The following SLC9C1 variants were observed in gnomAD, a reference collection of about 807,000 sequenced individuals.
SLC9C1 encodes the protein sodium/hydrogen exchanger 10.
Under a neutral mutation model 140.9 loss-of-function variants are expected in SLC9C1, and 97 were observed. The ratio of observed to expected loss-of-function variants is 0.69; its 90% CI spans 0.58 to 0.82. The LOEUF is 0.82. Ranked by LOEUF, SLC9C1 falls within the 40% of genes least tolerant of loss-of-function variation. The pLI, the probability that SLC9C1 is intolerant of heterozygous loss-of-function variation, is 0.00. For synonymous variants in SLC9C1, 440 were observed against 442.6 expected (o/e 0.99, Z 0.07); for missense variants, 1,340 against 1,389.3 (o/e 0.96, Z 0.56).
chr3:112,168,832 A>G, intron 25 of SLC9C1, 45 bp downstream of exon 25: 1 of 1,474,878 alleles, frequency 6.8e-7, no homozygotes. Flanking sequence ...ACATTGTTGG[A>G]CATATGGCAT....
At chr3:112,159,143 T>A (rs919803754) in intron 26 of SLC9C1, among the ~76,000 whole-genome samples, 10 of 151,804 alleles carry the variant, frequency 6.6e-5, no homozygotes, top group Non-Finnish European at 1.2e-4. Context: ...TGCTATAGAC[T>A]TCCCACTTAG....
chr3:112,273,093 C>T (rs1489495247), intron 6 of SLC9C1, among the ~76,000 whole-genome samples: 2 of 152,090 alleles, frequency 1.3e-5, no homozygotes, highest in African/African-American at 4.8e-5. Context: ...CACGGATCCT[C>T]CTGAATGGCA....
At chr3:112,166,444 TG>T (rs1190265415) in intron 26 of SLC9C1, among the ~76,000 whole-genome samples, 1 of 152,206 alleles carries the variant, frequency 6.6e-6, no homozygotes, top group African/African-American at 2.4e-5. Context: ...TCCACATGGC[TG>T]GGGAGGCCTC....
intron 15 of SLC9C1, among the ~76,000 whole-genome samples, chr3:112,216,546 T>A (rs6438052): frequency 3.4e-5 from 5 of 149,212 alleles, no homozygotes; most frequent in Non-Finnish European, 7.5e-5. Context: ...AGTGGGCAAA[T>A]GATATGAACA....
chr3:112,224,609 AT>A (rs1553798552), intron 13 of SLC9C1, among the ~76,000 whole-genome samples: 4 of 10,104 alleles, frequency 4.0e-4, no homozygotes, highest in South Asian at 0.023. Flanking sequence ...TTATAAAAAA[AT>A]AACTGAACAG....
intron 28 of SLC9C1, among the ~76,000 whole-genome samples, chr3:112,148,556 T>C (rs2107844505): frequency 6.6e-6 from 1 of 152,240 alleles, no homozygotes; most frequent in East Asian, 1.9e-4. Flanking sequence ...GCTCTATGTC[T>C]TAATAAAACT....
chr3:112,235,003 A>G (rs978603838), intron 12 of SLC9C1, among the ~76,000 whole-genome samples: 6 of 151,702 alleles, frequency 4.0e-5, no homozygotes, highest in Non-Finnish European at 8.8e-5. Flanking sequence ...GATTTTTCCA[A>G]TTCTGTGAAG....
At chr3:112,190,966 T>C (rs73218102) in intron 20 of SLC9C1, among the ~76,000 whole-genome samples, 10,759 of 77,712 alleles carry the variant, frequency 0.14, 456 homozygotes, top group African/African-American at 0.22. Context: ...CACACACACA[T>C]ATATATATAT....
chr3:112,176,987 GTCTC>G (rs375135539), intron 23 of SLC9C1, among the ~76,000 whole-genome samples: 12,029 of 137,860 alleles, frequency 0.087, 538 homozygotes, highest in East Asian at 0.14. Context: ...GACTCCTGGT[GTCTC>G]TCTCTCTCTC....
chr3:112,161,241 G>GT (rs1363649733), intron 26 of SLC9C1, among the ~76,000 whole-genome samples: 6 of 152,182 alleles, frequency 3.9e-5, no homozygotes, highest in Admixed American at 3.9e-4. Flanking sequence ...TCTGATGGTA[G>GT]TTTCTTTTGC....
intron 20 of SLC9C1, among the ~76,000 whole-genome samples, chr3:112,187,282 CATT>C (rs1484840374): frequency 6.6e-6 from 1 of 152,110 alleles, no homozygotes; most frequent in Non-Finnish European, 1.5e-5. Flanking sequence ...TTTAATCTTT[CATT>C]ATTCTCCCTT....
At chr3:112,174,557 A>G (rs2107935452) in intron 23 of SLC9C1, among the ~76,000 whole-genome samples, 1 of 152,242 alleles carries the variant, frequency 6.6e-6, no homozygotes, top group East Asian at 1.9e-4. Flanking sequence ...CTGTGCTACT[A>G]CCAGTGAGTA....
chr3:112,282,768 G>A (rs1048073335), intron 2 of SLC9C1, among the ~76,000 whole-genome samples: 5 of 152,092 alleles, frequency 3.3e-5, no homozygotes, highest in East Asian at 1.9e-4. Flanking sequence ...TCTTGAACTC[G>A]GTCAAGCTAA....
chr3:112,275,038 AG>A lies in SLC9C1; in HGVS notation c.485-14del, dbSNP rs752381275. On this transcript the variant is annotated splice_polypyrimidine_tract_variant and intron_variant, in intron 5 of 28. Coordinates refer to ENST00000305815, the MANE Select transcript of SLC9C1 (RefSeq NM_183061.3). Reference sequence around the variant, plus strand: ...CTTCTAGAAAGCCCTACATATGTTGAGGGGGAAAGATGTTTTTTAAAGTGAG... The same window carrying A: ...CTTCTAGAAAGCCCTACATATGTTGAGGGGAAAGATGTTTTTTAAAGTGAG... 6.5e-7 allele frequency: 1 copy of A among 1,543,986 alleles called. No individual in the cohort carries two copies. Among genetic ancestry groups the A allele is most frequent in the Non-Finnish European group, 8.6e-7 (1 of 1,157,118 alleles).
chr3:112,150,765 A>AATACATATATATATATAAATACAT (rs1560003069), intron 28 of SLC9C1, among the ~76,000 whole-genome samples: 55 of 141,146 alleles, frequency 3.9e-4, no homozygotes, highest in African/African-American at 1.3e-3. Flanking sequence ...TATATATAAA[A>AATACATATATATATATAAATACAT]ATACATATAT....
chr3:112,284,014 A>G (rs1330704904), intron 2 of SLC9C1, among the ~76,000 whole-genome samples: 1 of 152,190 alleles, frequency 6.6e-6, no homozygotes, highest in Non-Finnish European at 1.5e-5. Flanking sequence ...ACTCGTGACC[A>G]TTTACAAAAA....
intron 10 of SLC9C1, among the ~76,000 whole-genome samples, chr3:112,252,835 C>A (rs1278091189): frequency 1.3e-5 from 2 of 151,848 alleles, no homozygotes; most frequent in Non-Finnish European, 2.9e-5. Context: ...TGATCCCATT[C>A]CTCCACAGTA....
chr3:112,169,913 T>C (rs2077214270), intron 23 of SLC9C1, among the ~76,000 whole-genome samples: 1 of 152,040 alleles, frequency 6.6e-6, no homozygotes, highest in East Asian at 1.9e-4. Flanking sequence ...CCATAAATGG[T>C]ATTGGGAAAA....
At chr3:112,276,728 A>G (rs896020138) in intron 5 of SLC9C1, among the ~76,000 whole-genome samples, 19 of 151,942 alleles carry the variant, frequency 1.3e-4, no homozygotes, top group African/African-American at 4.1e-4. Context: ...TATAGCGGAG[A>G]AAAGGGCTGG....
Sources: allele counts gnomAD v4.1 joint callset (sites outside exome capture counted in the v4.1 genomes callset), GRCh38; gene constraint gnomAD v4.1.1; transcripts MANE v1.5; gene names NCBI Gene and HGNC (gene_info 2026-07-23, HGNC 2026-07-21).